KCNH4: variants seen among roughly 807,000 people sequenced by gnomAD.
KCNH4 encodes voltage-gated delayed rectifier potassium channel KCNH4.
A neutral mutation model predicts 90.7 loss-of-function variants in KCNH4; 33 were observed. The observed-to-expected ratio is 0.36, with a 90% CI of 0.28 to 0.49. The LOEUF (loss-of-function observed/expected upper bound fraction) is 0.49. KCNH4 is among the 20% of genes least tolerant of loss of function. The pLI, the probability that KCNH4 is intolerant of heterozygous loss-of-function variation, is 0.98. For missense variants in KCNH4, 1,044 were observed against 1,387.1 expected (o/e 0.75, Z 3.93); for synonymous variants, 551 against 581.7 (o/e 0.95, Z 0.76).
intron 9 of KCNH4, among the ~76,000 whole-genome samples, chr17:42,167,930 C>T (rs1375195989): frequency 2.6e-5 from 4 of 152,188 alleles, no homozygotes; most frequent in Admixed American, 6.5e-5. Flanking sequence ...TGCCTTCCTG[C>T]CCTGCCTTCT....
chr17:42,179,083 G>T (rs1314604934), intron 1 of KCNH4, 57 bp from the exon 2 acceptor site: 1 of 1,321,200 alleles, frequency 7.6e-7, no homozygotes, highest in Non-Finnish European at 1.1e-6. Flanking sequence ...TAGCTTCCAG[G>T]TGGGCAGCAC....
Position 42,163,302 on chromosome 17 carries a change from G to A in KCNH4, c.2510C>T (p.Thr837Ile). ...IVDGIEDSGS[T>I]AEAPSFRFSR... ...GAATCGGAATGAAGGGGCCTCAGCT[G>A]TGCTGCCAGAGTCCTCAATGCCATC... is the stretch of plus-strand genomic sequence containing the variant. Residue 837 changes from threonine to isoleucine, a missense_variant, in exon 14 of 17, where the codon ACA becomes ATA. Thr to Ile is a moderately conservative substitution (Grantham distance 89). This residue lies in a region of KCNH4 where 441 missense variants were observed against 512.3 expected (regional missense o/e 0.86). Transcript: ENST00000264661. This position sits in a 1 kb window ranked among gnomAD's most constrained non-coding sequence, Gnocchi z 5.4. 1 of 1,614,030 alleles carries A rather than the reference G, an allele frequency of 6.2e-7. No individual in the cohort carries two copies. Among genetic ancestry groups the A allele is most frequent in the South Asian group, 1.1e-5 (1 of 91,080 alleles).
rs1419260615 is a variant in KCNH4, at chr17:42,181,083, C to G, written c.-138G>C. ...CCCCTCCCTCTTACTGCCGCTGCCG[C>G]TGCCGCTGCCTCTGCTCCGAACCCC... On this transcript the variant is annotated 5_prime_UTR_variant, in exon 1 of 17. Coordinates refer to ENST00000264661, the MANE Select transcript of KCNH4 (RefSeq NM_012285.3). The G allele has an allele frequency of 1.4e-6, 1 of 706,358 alleles. No individual in the cohort carries two copies. Among genetic ancestry groups the G allele is most frequent in the Non-Finnish European group, 2.3e-6 (1 of 430,736 alleles). The allele number at this position is 706,358 out of a possible 1,614,324, so 43.8% of individuals were successfully genotyped here. A position where few individuals can be genotyped will look rare whatever the true frequency, so the allele number is the denominator to read the frequency against.
intron 9 of KCNH4, among the ~76,000 whole-genome samples, chr17:42,168,515 G>T (rs180806509): frequency 6.1e-4 from 93 of 152,222 alleles, no homozygotes; most frequent in African/African-American, 2.1e-3. Flanking sequence ...ATGGTGGCAG[G>T]TGCCTGTGAT....
chr17:42,174,318 T>A (rs531233258), intron 6 of KCNH4, among the ~76,000 whole-genome samples: 1 of 151,982 alleles, frequency 6.6e-6, no homozygotes. Flanking sequence ...CATGTGATGA[T>A]GAGTGTGAAA....
chr17:42,166,324 G>T lies in KCNH4; in HGVS notation c.1813C>A (p.Arg605=). 1.2e-6 allele frequency: 2 copies of T among 1,609,732 alleles called. No homozygotes were observed. The highest frequency in any genetic ancestry group is 2.2e-5 in the South Asian group (2 of 90,274). Residue 605 remains arginine (R), a synonymous_variant, in exon 10 of 17, where the codon CGA becomes AGA. Coordinates refer to ENST00000264661, the MANE Select transcript of KCNH4 (RefSeq NM_012285.3). ...YVCSGSLEVL[R]DNMVLAILGK... is the part of the protein sequence containing the mutation. ...AGGATGGCCAGCACCATGTTGTCTC[G>T]GAGCACCTCAAGCGAGCCGGAGCAG... is the stretch of plus-strand genomic sequence containing the variant.
chr17:42,167,639 T>C (rs1321746221), intron 9 of KCNH4, among the ~76,000 whole-genome samples: 2 of 152,146 alleles, frequency 1.3e-5, no homozygotes, highest in African/African-American at 4.8e-5. Context: ...CTCCTCTTGG[T>C]CTGACCCGGG....
At chr17:42,161,706 A>C (rs1237943622) in intron 15 of KCNH4, among the ~76,000 whole-genome samples, 1 of 152,198 alleles carries the variant, frequency 6.6e-6, no homozygotes, top group African/African-American at 2.4e-5. Context: ...TCAGGCTGGG[A>C]AACTTGAGCC....
rs1389758047 is a variant in KCNH4, at chr17:42,162,336, G to C, written c.2585-15C>G. 1 of 1,610,800 alleles carries C rather than the reference G, an allele frequency of 6.2e-7. No individual in the cohort carries two copies. ...GGGCCTGGTCCCTGCAGGGTGAAGG[G>C]ATGCAGGTGAGTTCATGGAGCATTA... On this transcript the variant is annotated splice_polypyrimidine_tract_variant and intron_variant, in intron 14 of 16. Coordinates refer to ENST00000264661, the MANE Select transcript of KCNH4 (RefSeq NM_012285.3).
At chr17:42,164,814 A>C (rs2079775096) in intron 11 of KCNH4, among the ~76,000 whole-genome samples, 1 of 140,128 alleles carries the variant, frequency 7.1e-6, no homozygotes, top group Non-Finnish European at 1.5e-5. Context: ...AAAAACAAAA[A>C]CGAAAACAAG....
Position 42,160,446 on chromosome 17 carries a change from C to G in KCNH4, c.2659-11G>C, listed in dbSNP as rs758183121. ...ATTGAGACGAGAGATCTGTTGAAAA[C>G]ACATCGAGTTGTTTCACAGGTGCCA... On this transcript the variant is annotated splice_polypyrimidine_tract_variant and intron_variant, in intron 15 of 16. Coordinates refer to ENST00000264661, the MANE Select transcript of KCNH4 (RefSeq NM_012285.3). 4 of 1,571,858 alleles carry G rather than the reference C, an allele frequency of 2.5e-6. No homozygotes were observed. Among genetic ancestry groups the G allele is most frequent in the Non-Finnish European group, 3.5e-6 (4 of 1,153,908 alleles).
At position 42,170,982 on chromosome 17, in the gene KCNH4, C is replaced by T. The variant is rs572976425; in HGVS notation, c.1196-681G>A. On this transcript the variant is annotated intron_variant, in intron 7 of 16. Transcript: ENST00000264661. ...TGGTGTGGCTGCAGCGCAGGGAGCA[C>T]GGGAGAACGGGAAGGCAGGTGGGGA... Among the ~76,000 whole-genome samples the T allele has an allele frequency of 1.3e-4, 20 of 152,198 alleles. No individual in the cohort carries two copies. The East Asian group carries it at 1.5e-3, about 12-fold the overall frequency.
At position 42,176,130 on chromosome 17, in the gene KCNH4, C is replaced by G. The variant is rs2079859205; in HGVS notation, c.753G>C (p.Ser251=). Residue 251 remains serine (S), a synonymous_variant, in exon 5 of 17, where the codon TCG becomes TCC. Transcript: ENST00000264661. ...AAGTGATGGGGGTGTCATCGTCACC[C>G]GAGAAACAGACATTGTAGGGGACGG... The part of the protein sequence containing the change: ...AVTVPYNVCF[S]GDDDTPITSR... The G allele has an allele frequency of 1.2e-6, 2 of 1,613,774 alleles. No individual in the cohort carries two copies. Among genetic ancestry groups the G allele is most frequent in the African/African-American group, 1.3e-5 (1 of 74,934 alleles).
intron 10 of KCNH4, 89 bp from the exon 11 acceptor site, chr17:42,165,782 AGT>A: frequency 6.6e-7 from 1 of 1,505,180 alleles, no homozygotes; most frequent in Non-Finnish European, 9.1e-7. Flanking sequence ...AGGGGTGGTC[AGT>A]GTGTTTGAAG....
Position 42,159,891 on chromosome 17 carries a change from C to A in KCNH4, c.*149G>T. The A allele has an allele frequency of 5.6e-6, 3 of 538,358 alleles. No homozygotes were observed. The highest frequency in any genetic ancestry group is 3.2e-5 in the East Asian group (1 of 31,594). The allele number at this position is 538,358 out of a possible 1,614,324, so 33.3% of individuals were successfully genotyped here. ...GAAAAGGGAATAGCGTCAGAGGTAA[C>A]CACGCTTCATTAAAAAGTCCAGAAA... On this transcript the variant is annotated 3_prime_UTR_variant, in exon 16 of 17. Coordinates refer to ENST00000264661, the MANE Select transcript of KCNH4 (RefSeq NM_012285.3).
In KCNH4 at chr17:42,179,004, G is replaced by A. The variant is rs142505457; in HGVS notation, c.99C>T (p.Asn33=). 1.0e-4 allele frequency: 169 copies of A among 1,613,478 alleles called. No individual in the cohort carries two copies. In the African/African-American group the frequency reaches 1.3e-3, roughly 13 times the overall value. ...DGTHSNFLLA[N]AQGTRGFPIV... is the part of the protein sequence containing the mutation. ...TGGGAAAGCCCCGTGTGCCCTGTGC[G>A]TTGGCCAGCAGGAAGTTGCTGTCTG... Residue 33 remains asparagine, a synonymous_variant, in exon 2 of 17, where the codon AAC becomes AAT. Transcript: ENST00000264661.
chr17:42,173,403 G>A (rs1195661911), intron 6 of KCNH4, among the ~76,000 whole-genome samples: 1 of 152,152 alleles, frequency 6.6e-6, no homozygotes, highest in Non-Finnish European at 1.5e-5. Flanking sequence ...AGCTCCCAGA[G>A]CCCTTGACTG....
chr17:42,163,606 C>G lies in KCNH4; in HGVS notation c.2477G>C (p.Arg826Pro). ...AAAGCAGGGGAGGCTGGCGTCTCAC[C>G]GGGGACTGAGGTCCGGAGGTCCAAA... is the stretch of plus-strand genomic sequence containing the variant. ...GTFGPPDLSPRIVDGIEDSGS... is the reference protein window; with the variant it reads ...GTFGPPDLSPPIVDGIEDSGS... Residue 826 changes from arginine (R) to proline (P), a missense_variant and splice_region_variant, in exon 13 of 17, where the codon CGG (arginine) becomes CCG (proline). Coordinates refer to ENST00000264661, the MANE Select transcript of KCNH4 (RefSeq NM_012285.3). The surrounding 1 kb of genome is among the most constrained non-coding windows in gnomAD (Gnocchi z 5.4). 7.1e-7 allele frequency: 1 copy of G among 1,411,000 alleles called. No individual in the cohort carries two copies. Among genetic ancestry groups the G allele is most frequent in the East Asian group, 2.3e-5 (1 of 42,848 alleles). The allele number at this position is 1,411,000 out of a possible 1,614,324, so 87.4% of individuals were successfully genotyped here. A position where few individuals can be genotyped will look rare whatever the true frequency, so the allele number is the denominator to read the frequency against.
intron 15 of KCNH4, among the ~76,000 whole-genome samples, chr17:42,161,857 T>TAA (rs1420783246): frequency 6.6e-6 from 1 of 152,188 alleles, no homozygotes; most frequent in Non-Finnish European, 1.5e-5. Flanking sequence ...TGAGGAAGTT[T>TAA]AAGTTCAGAG....
Sources: gnomAD v4.1 joint callset for allele counts (sites outside exome capture counted in the v4.1 genomes callset) on GRCh38, gnomAD v4.1.1 for gene constraint, gnomAD v4.1.1 regional missense constraint, Gnocchi (gnomAD v3.1) non-coding constraint, MANE v1.5 for transcripts, NCBI Gene and HGNC (gene_info 2026-07-23, HGNC 2026-07-21) for gene names.